ADCY3: variants seen among roughly 807,000 people sequenced by gnomAD.
ADCY3 encodes the protein adenylate cyclase 3, also known as adenylate cyclase type 3.
Under a neutral mutation model 119.4 loss-of-function variants are expected in ADCY3, and 70 were observed. The ratio of observed to expected loss-of-function variants is 0.59; its 90% CI spans 0.48 to 0.72. The LOEUF (loss-of-function observed/expected upper bound fraction) is 0.72, where lower values mean the gene tolerates loss of function less well. ADCY3 is among the 30% of genes least tolerant of loss of function. The probability of loss-of-function intolerance (pLI) is 0.00; values close to 1 mark genes in which losing one functional copy is unlikely to be tolerated. For synonymous variants in ADCY3, 672 were observed against 621.4 expected (o/e 1.08, Z -1.21); for missense variants, 1,238 against 1,541.6 (o/e 0.80, Z 3.30).
At chr2:24,870,866 T>C (rs1319177796) in intron 3 of ADCY3, among the ~76,000 whole-genome samples, 3 of 152,174 alleles carry the variant, frequency 2.0e-5, no homozygotes, top group Non-Finnish European at 4.4e-5. Flanking sequence ...ACAAGACAAA[T>C]GTCAATACCT....
At position 24,860,999 on chromosome 2, in the gene ADCY3, C is replaced by T. The variant is rs556986732; in HGVS notation, c.825+11571G>A. ...GAGCATGGGGCTCACGACTGCAATC[C>T]CAGCACTTTGGGAGGCCAAGGCAGG... On this transcript the variant is annotated intron_variant, in intron 3 of 21. Transcript: ENST00000679454. Among the ~76,000 whole-genome samples the T allele has an allele frequency of 3.9e-5, 6 of 152,318 alleles. No homozygotes were observed. The South Asian group carries it at 1.2e-3, about 32-fold the overall frequency.
At chr2:24,822,658 T>G (rs746848833) in intron 18 of ADCY3, 28 bp from the exon 19 acceptor site, 6 of 1,611,970 alleles carry the variant, frequency 3.7e-6, no homozygotes, top group Non-Finnish European at 5.1e-6. Flanking sequence ...GAAAGAATTG[T>G]CAGCAGTCAA....
intron 3 of ADCY3, among the ~76,000 whole-genome samples, chr2:24,854,567 G>T (rs909126883): frequency 1.3e-5 from 2 of 152,218 alleles, no homozygotes; most frequent in Non-Finnish European, 2.9e-5. Context: ...GGGACAAGTG[G>T]CTCGTGGCTT....
At position 24,826,091 on chromosome 2, in the gene ADCY3, A is replaced by G. The variant is rs1668578425; in HGVS notation, c.2531T>C (p.Val844Ala). The G allele has an allele frequency of 1.2e-6, 2 of 1,613,856 alleles. No homozygotes were observed. Among genetic ancestry groups the G allele is most frequent in the African/African-American group, 2.7e-5 (2 of 74,846 alleles). Residue 844 changes from valine (V) to alanine (A), a missense_variant, in exon 16 of 22, where the codon GTG becomes GCG. Physicochemically the swap from Val to Ala is moderately conservative, Grantham distance 64. Transcript: ENST00000679454. Reference sequence around the variant, plus strand: ...GCTGAGCATCATGAGGAACACCATCACCGTCATAGAGTACTTGGAAGGCAC... The same window carrying G: ...GCTGAGCATCATGAGGAACACCATCGCCGTCATAGAGTACTTGGAAGGCAC... ...PLVPSKYSMT[V>A]MVFLMMLSFY...
intron 2 of ADCY3, among the ~76,000 whole-genome samples, chr2:24,897,645 G>A (rs538721386): frequency 1.3e-5 from 2 of 152,116 alleles, no homozygotes; most frequent in African/African-American, 4.8e-5. Context: ...CCTTCTCATG[G>A]GTGATTTGAA....
At position 24,920,196 on chromosome 2, in the gene ADCY3, A is replaced by C; in HGVS notation, c.-711T>G. ...TCCGGGCTCGGCGTGCTGCACAGCTATTCCCCGCGCGGCGCCGGCGGCTCC... is the reference window on the plus strand; with the variant it reads ...TCCGGGCTCGGCGTGCTGCACAGCTCTTCCCCGCGCGGCGCCGGCGGCTCC... On this transcript the variant is annotated 5_prime_UTR_variant, in exon 1 of 22. Coordinates refer to ENST00000679454, the MANE Select transcript of ADCY3 (RefSeq NM_004036.5). This position sits in a 1 kb window ranked among gnomAD's most constrained non-coding sequence, Gnocchi z 4.5. Among the ~76,000 whole-genome samples the C allele has an allele frequency of 6.9e-6, 1 of 144,326 alleles. No homozygotes were observed. The highest frequency in any genetic ancestry group is 1.5e-5 in the Non-Finnish European group (1 of 65,134). The allele number at this position is 144,326 out of a possible 152,430, so 94.7% of individuals were successfully genotyped here.
At chr2:24,830,121 A>G (rs1279599968) in intron 13 of ADCY3, among the ~76,000 whole-genome samples, 2 of 145,750 alleles carry the variant, frequency 1.4e-5, no homozygotes, top group Non-Finnish European at 3.0e-5. Context: ...GCTCACTGCA[A>G]CCTCCGCCTC....
At chr2:24,835,933 CAA>C (rs66514871) in intron 9 of ADCY3, among the ~76,000 whole-genome samples, 243 of 129,638 alleles carry the variant, frequency 1.9e-3, no homozygotes, top group Admixed American at 2.1e-3. Context: ...GACTCCATCT[CAA>C]AAAAAAAAAA....
chr2:24,821,270 C>T (rs1162714622), intron 20 of ADCY3: 2 of 507,118 alleles, frequency 3.9e-6, no homozygotes, highest in East Asian at 3.6e-5. Context: ...CTCAGCCAGG[C>T]AGGCCAAGCT....
chr2:24,861,250 CAAAA>C (rs67641689), intron 3 of ADCY3, among the ~76,000 whole-genome samples: 3 of 113,402 alleles, frequency 2.6e-5, no homozygotes, highest in African/African-American at 3.2e-5. Flanking sequence ...GACTCCATCT[CAAAA>C]AAAAAAAAAA....
rs147472460 is a variant in ADCY3, at chr2:24,851,978, G to A, written c.826-9594C>T. 1.3e-4 allele frequency among the ~76,000 whole-genome samples: 20 copies of A among 152,260 alleles called. No individual in the cohort carries two copies. In the East Asian group the frequency reaches 1.5e-3, roughly 12 times the overall value. ...CCCCATATCCTCTACCGCAGCACCC[G>A]ATTAAAGCCGTATTCCTTGGCAATA... On this transcript the variant is annotated intron_variant, in intron 3 of 21. Transcript: ENST00000679454.
At chr2:24,857,389 C>A (rs1167690918) in intron 3 of ADCY3, among the ~76,000 whole-genome samples, 1 of 152,220 alleles carries the variant, frequency 6.6e-6, no homozygotes, top group Non-Finnish European at 1.5e-5. Context: ...GGAGACCTGG[C>A]CCAAGGGGCA....
intron 2 of ADCY3, among the ~76,000 whole-genome samples, chr2:24,914,255 T>A (rs747460681): frequency 9.9e-5 from 15 of 152,164 alleles, no homozygotes; most frequent in Admixed American, 3.9e-4. Flanking sequence ...GGAGCAGCAA[T>A]CAGTGCTCCA....
intron 16 of ADCY3, chr2:24,825,836 T>G: frequency 3.6e-6 from 2 of 548,606 alleles, no homozygotes; most frequent in Non-Finnish European, 6.5e-6. Context: ...CTGGAGGGGG[T>G]CGGACGGAAG....
intron 2 of ADCY3, among the ~76,000 whole-genome samples, chr2:24,905,806 T>C (rs1311050194): frequency 6.6e-6 from 1 of 152,256 alleles, no homozygotes; most frequent in Non-Finnish European, 1.5e-5. Flanking sequence ...CACACCCATT[T>C]TGCAGAAGGA....
At position 24,824,058 on chromosome 2, in the gene ADCY3, G is replaced by A. The variant is rs547870952; in HGVS notation, c.2736+320C>T. ...CTCTAACAGCCCCAGCTGTGAAGAC[G>A]AGGGTACCGTAGAGCTGGGAACCAC... is the stretch of plus-strand genomic sequence containing the variant. On this transcript the variant is annotated intron_variant, in intron 17 of 21. Coordinates refer to ENST00000679454, the MANE Select transcript of ADCY3 (RefSeq NM_004036.5). 4.6e-5 allele frequency among the ~76,000 whole-genome samples: 7 copies of A among 152,324 alleles called. No individual in the cohort carries two copies. In the East Asian group the frequency reaches 5.8e-4, roughly 13 times the overall value.
At chr2:24,881,841 C>T (rs951669137) in intron 2 of ADCY3, among the ~76,000 whole-genome samples, 5 of 151,992 alleles carry the variant, frequency 3.3e-5, no homozygotes, top group African/African-American at 1.2e-4. Context: ...ACAGTCACGA[C>T]TAGGAGAGCG....
At chr2:24,912,228 C>T (rs529867007) in intron 2 of ADCY3, among the ~76,000 whole-genome samples, 25 of 150,460 alleles carry the variant, frequency 1.7e-4, no homozygotes, top group African/African-American at 2.4e-4. Flanking sequence ...TTTAGGAGGC[C>T]GAGGTGGGTG....
At chr2:24,881,803 A>G (rs1219149458) in intron 2 of ADCY3, among the ~76,000 whole-genome samples, 1 of 109,742 alleles carries the variant, frequency 9.1e-6, no homozygotes, top group Non-Finnish European at 1.8e-5. Context: ...CACCGAGGCC[A>G]TTCCACAGTG....
Sources: allele counts gnomAD v4.1 joint callset (sites outside exome capture counted in the v4.1 genomes callset), GRCh38; gene constraint gnomAD v4.1.1; non-coding constraint Gnocchi (gnomAD v3.1); transcripts MANE v1.5; gene names NCBI Gene and HGNC (gene_info 2026-07-23, HGNC 2026-07-21).